The following MAN2A1 variants were observed in gnomAD, a reference collection of about 807,000 sequenced individuals.
MAN2A1 encodes alpha-mannosidase 2.
A neutral mutation model predicts 142.6 loss-of-function variants in MAN2A1; 76 were observed. The ratio of observed to expected loss-of-function variants is 0.53; its 90% CI spans 0.44 to 0.65. The LOEUF is 0.65. MAN2A1 is among the 30% of genes least tolerant of loss of function. The probability of loss-of-function intolerance (pLI) is 0.00; values close to 1 mark genes in which losing one functional copy is unlikely to be tolerated. For missense variants in MAN2A1, 1,311 were observed against 1,365.1 expected, an observed-to-expected ratio of 0.96 and a Z score of 0.62; for synonymous variants, 559 against 473.2, an observed-to-expected ratio of 1.18 and a Z score of -2.35.
chr5:109,720,444 TA>T (rs1200607085), intron 3 of MAN2A1, among the ~76,000 whole-genome samples: 2 of 152,152 alleles, frequency 1.3e-5, no homozygotes, highest in Admixed American at 6.5e-5. Context: ...ATGTATCCTC[TA>T]AAAAAGTTTG....
At chr5:109,761,804 G>T (rs1454000657) in intron 5 of MAN2A1, among the ~76,000 whole-genome samples, 1 of 151,778 alleles carries the variant, frequency 6.6e-6, no homozygotes, top group East Asian at 1.9e-4. Context: ...TAGATTTTTT[G>T]ATAATGTTAA....
At chr5:109,758,085 T>A (rs1469235709) in intron 5 of MAN2A1, among the ~76,000 whole-genome samples, 3 of 152,176 alleles carry the variant, frequency 2.0e-5, no homozygotes, top group Non-Finnish European at 4.4e-5. Flanking sequence ...TGTTTAGCAT[T>A]TTGAGAAACT....
At chr5:109,846,033 C>T (rs1187119391) in intron 18 of MAN2A1, 27 bp downstream of exon 18, 3 of 1,570,720 alleles carry the variant, frequency 1.9e-6, no homozygotes, top group Admixed American at 1.8e-5. Context: ...CTCTTTTCCA[C>T]TCTGAAAGGT....
At chr5:109,753,902 CT>C (rs981162019) in intron 4 of MAN2A1, among the ~76,000 whole-genome samples, 100 of 151,018 alleles carry the variant, frequency 6.6e-4, no homozygotes, top group African/African-American at 2.1e-3. Flanking sequence ...ATTTTTTTTT[CT>C]TTTTTCTTTT....
Position 109,845,963 on chromosome 5 carries a change from A to T in MAN2A1, c.2799A>T (p.Thr933=). 1 of 1,613,762 alleles carries T rather than the reference A, an allele frequency of 6.2e-7. No homozygotes were observed. The highest frequency in any genetic ancestry group is 2.2e-5 in the East Asian group (1 of 44,852). ...TCCAGGATGCCAAACATCGTTTGAC[A>T]CTGCTCTCTGCTCAGTCATTAGGGG... ...AYIQDAKHRL[T]LLSAQSLGVS... The change falls in exon 18 of 22, where the codon ACA becomes ACT. Residue 933 remains threonine, a synonymous_variant. Transcript: ENST00000261483.
chr5:109,765,571 G>A (rs1258637505), intron 5 of MAN2A1, among the ~76,000 whole-genome samples: 1 of 152,056 alleles, frequency 6.6e-6, no homozygotes, highest in Non-Finnish European at 1.5e-5. Flanking sequence ...ATTAATATGT[G>A]GGAGATACAT....
intron 15 of MAN2A1, among the ~76,000 whole-genome samples, chr5:109,823,016 C>T (rs1006198505): frequency 2.0e-5 from 3 of 152,130 alleles, no homozygotes; most frequent in African/African-American, 7.2e-5. Context: ...TATTGCAAGC[C>T]TAACTTTCTA....
chr5:109,757,925 T>C (rs1187769725), intron 5 of MAN2A1, among the ~76,000 whole-genome samples: 1 of 152,210 alleles, frequency 6.6e-6, no homozygotes, highest in East Asian at 1.9e-4. Flanking sequence ...TATACCAGAT[T>C]TGTTTATCCC....
rs1006435505 is a variant in MAN2A1 at position 109,869,515 on chromosome 5, A to AT, written c.*2521dup. 1 of 152,130 alleles carries AT rather than the reference A, an allele frequency of 6.6e-6. No homozygotes were observed. The highest frequency in any genetic ancestry group is 2.4e-5 in the African/African-American group (1 of 41,422). 9.4% of individuals were successfully genotyped at this position (152,130 alleles called of 1,614,324 possible). On this transcript the variant is annotated 3_prime_UTR_variant, in exon 22 of 22. Transcript: ENST00000261483. The stretch of plus-strand genomic sequence containing the variant: ...GAAAATGTTTGCTTTCATTTTGATC[A>AT]TTTTGTTCACCTTGGAATCAACAGG...
At chr5:109,866,797 A>G (rs778634024) in intron 21 of MAN2A1, 49 bp from the exon 22 acceptor site, 2 of 1,259,046 alleles carry the variant, frequency 1.6e-6, no homozygotes, top group South Asian at 1.3e-5. Context: ...TTGTGCTGCT[A>G]ATCTTCAAAG....
At chr5:109,852,626 G>T (rs1755512964) in intron 19 of MAN2A1, among the ~76,000 whole-genome samples, 1 of 152,150 alleles carries the variant, frequency 6.6e-6, no homozygotes, top group South Asian at 2.1e-4. Flanking sequence ...TTTAATGTCA[G>T]ACAGGCTGCA....
intron 20 of MAN2A1, among the ~76,000 whole-genome samples, chr5:109,860,675 C>CT (rs1755732856): frequency 6.6e-6 from 1 of 152,302 alleles, no homozygotes; most frequent in Non-Finnish European, 1.5e-5. Flanking sequence ...ATCTTAAGAT[C>CT]TTCAGTAGAG....
intron 4 of MAN2A1, among the ~76,000 whole-genome samples, chr5:109,744,805 A>G (rs934284177): frequency 6.6e-6 from 1 of 152,210 alleles, no homozygotes; most frequent in African/African-American, 2.4e-5. Flanking sequence ...AAAGACTTGT[A>G]CAGACATTTT....
intron 16 of MAN2A1, among the ~76,000 whole-genome samples, chr5:109,835,864 A>G (rs906058790): frequency 6.6e-6 from 1 of 152,176 alleles, no homozygotes; most frequent in African/African-American, 2.4e-5. Context: ...TCAGGGTTGA[A>G]TTAGGCGGCT....
intron 4 of MAN2A1, among the ~76,000 whole-genome samples, chr5:109,743,727 C>T (rs1055553760): frequency 6.6e-6 from 1 of 152,194 alleles, no homozygotes; most frequent in Non-Finnish European, 1.5e-5. Flanking sequence ...AATGGCCTTT[C>T]CATTTCCAGC....
At chr5:109,712,307 C>T (rs546872990) in intron 1 of MAN2A1, among the ~76,000 whole-genome samples, 6 of 152,254 alleles carry the variant, frequency 3.9e-5, no homozygotes, top group Admixed American at 1.3e-4. Flanking sequence ...TAAAGCATAT[C>T]ATGTCATACA....
At chr5:109,737,218 G>C (rs1375744983) in intron 4 of MAN2A1, among the ~76,000 whole-genome samples, 5 of 149,366 alleles carry the variant, frequency 3.3e-5, no homozygotes, top group African/African-American at 1.2e-4. Context: ...TCAGTCTCCT[G>C]AGTAGCTGGG....
At chr5:109,766,471 C>G (rs1752993047) in intron 5 of MAN2A1, among the ~76,000 whole-genome samples, 1 of 152,070 alleles carries the variant, frequency 6.6e-6, no homozygotes, top group Non-Finnish European at 1.5e-5. Context: ...CCCTGTAGAT[C>G]CTGACTTTTC....
chr5:109,745,094 G>T (rs1237371078), intron 4 of MAN2A1, among the ~76,000 whole-genome samples: 1 of 152,054 alleles, frequency 6.6e-6, no homozygotes, highest in African/African-American at 2.4e-5. Context: ...AGTGTTTTTT[G>T]GGGGCAGGGT....
Sources: allele counts gnomAD v4.1 joint callset (sites outside exome capture counted in the v4.1 genomes callset), GRCh38; gene constraint gnomAD v4.1.1; transcripts MANE v1.5; gene names NCBI Gene and HGNC (gene_info 2026-07-23, HGNC 2026-07-21).